The following EMG1 variants were observed in gnomAD, a reference collection of about 807,000 sequenced individuals.
EMG1 encodes EMG1 N1-specific pseudouridine methyltransferase, also known as ribosomal RNA small subunit methyltransferase NEP1.
EMG1 carries 24 observed loss-of-function variants against 26.9 expected under a neutral mutation model. The observed-to-expected ratio is 0.89, with a 90% CI of 0.65 to 1.26. EMG1 has a LOEUF of 1.26. Among genes scored for constraint, EMG1 ranks in the 50% most tolerant of loss-of-function variants. The pLI is 0.00. For synonymous variants in EMG1, 140 were observed against 112.6 expected (o/e 1.24, Z -1.54); for missense variants, 299 against 307.6 (o/e 0.97, Z 0.21).
chr12:6,984,275 A>T (rs1946500739), downstream of EMG1, among the ~76,000 whole-genome samples: 1 of 152,250 alleles, frequency 6.6e-6, no homozygotes, highest in South Asian at 2.1e-4. Context: ...CCATGAGTGA[A>T]CCACAGAGGA....
chr12:6,972,574 G>A (rs1555152441), intron 1 of EMG1, among the ~76,000 whole-genome samples: 1 of 152,082 alleles, frequency 6.6e-6, no homozygotes. Context: ...ATTGCAACTT[G>A]GAATTATTTC....
intron 1 of EMG1, 148 bp from the exon 2 acceptor site, chr12:6,974,191 T>C: frequency 1.6e-6 from 1 of 636,186 alleles, no homozygotes; most frequent in Non-Finnish European, 2.8e-6. Flanking sequence ...GTGTTCCTGG[T>C]TTAGTAGGTC....
Position 6,978,183 on chromosome 12 carries a change from A to C in EMG1, c.*2374A>C. On this transcript the variant is annotated 3_prime_UTR_variant, in exon 6 of 6. Coordinates refer to ENST00000599672, the MANE Select transcript of EMG1 (RefSeq NM_006331.8). ...ATATGACAGTAATGGTTTTTTTGGG[A>C]GGGGGGTATAGGTGGGGGTCAAAGT... is the stretch of plus-strand genomic sequence containing the variant. 1.5e-6 allele frequency: 1 copy of C among 670,812 alleles called. No homozygotes were observed. Among genetic ancestry groups the C allele is most frequent in the Non-Finnish European group, 2.3e-6 (1 of 438,774 alleles). 41.6% of individuals were successfully genotyped at this position (670,812 alleles called of 1,614,324 possible).
chr12:6,988,349 A>G (rs1555155031), downstream of EMG1: 1 of 152,322 alleles, frequency 6.6e-6, no homozygotes. Context: ...GCCGCCGTGG[A>G]GAAGGAAGAA....
chr12:6,986,182 A>G (rs1035651842), intron 6 of EMG1, among the ~76,000 whole-genome samples: 30 of 152,152 alleles, frequency 2.0e-4, no homozygotes, highest in African/African-American at 7.0e-4. Flanking sequence ...TTGAACAGCA[A>G]GGGTCCCCTT....
downstream of EMG1, among the ~76,000 whole-genome samples, chr12:6,988,807 T>C (rs1946555915): frequency 6.6e-6 from 1 of 152,134 alleles, no homozygotes; most frequent in Non-Finnish European, 1.5e-5. Flanking sequence ...TAGCACCAGA[T>C]GGGTTTGTAA....
At position 6,970,960 on chromosome 12, in the gene EMG1, C is replaced by A. The variant is rs782628939; in HGVS notation, c.37C>A (p.Arg13=). The change falls in exon 1 of 6, where the codon CGA becomes AGA. Residue 13 remains arginine, a synonymous_variant. Coordinates refer to ENST00000599672, the MANE Select transcript of EMG1 (RefSeq NM_006331.8). ...CAGTGATGGATTCAAGCCTCGTGAA[C>A]GAAGCGGTGGGGAGCAGGCACAGGA... is the stretch of plus-strand genomic sequence containing the variant. ...APSDGFKPRE[R]SGGEQAQDWD... 2 of 1,613,100 alleles carry A rather than the reference C, an allele frequency of 1.2e-6. No individual in the cohort carries two copies. Among genetic ancestry groups the A allele is most frequent in the Non-Finnish European group, 8.5e-7 (1 of 1,179,498 alleles).
Position 6,975,916 on chromosome 12 carries a change from T to A in EMG1, c.*107T>A. Reference sequence around the variant, plus strand: ...ATCTTTCTGCACTGAGACTGTGGAGTTTGGGGAAGCCAAGGCTGTACATTT... The same window carrying A: ...ATCTTTCTGCACTGAGACTGTGGAGATTGGGGAAGCCAAGGCTGTACATTT... On this transcript the variant is annotated 3_prime_UTR_variant, in exon 6 of 6. Transcript: ENST00000599672. 1.4e-6 allele frequency: 1 copy of A among 727,892 alleles called. No homozygotes were observed. Among genetic ancestry groups the A allele is most frequent in the Non-Finnish European group, 2.4e-6 (1 of 408,362 alleles). The allele number at this position is 727,892 out of a possible 1,614,324, so 45.1% of individuals were successfully genotyped here. A position where few individuals can be genotyped will look rare whatever the true frequency, so the allele number is the denominator to read the frequency against.
chr12:6,971,054 T>C lies in EMG1; in HGVS notation c.131T>C (p.Ile44Thr). 5 of 1,611,558 alleles carry C rather than the reference T, an allele frequency of 3.1e-6. No homozygotes were observed. Among genetic ancestry groups the C allele is most frequent in the Middle Eastern group, 1.7e-4 (1 of 6,060 alleles). ...AACAAGATCGGAGGCCGTAGGCTTA[T>C]TGTGGTGCTGGAAGGGGCCAGTCTG... ...AGNKIGGRRL[I>T]VVLEGASLET... Residue 44 changes from isoleucine to threonine, a missense_variant, in exon 1 of 6, where the codon ATT (isoleucine) becomes ACT (threonine). Coordinates refer to ENST00000599672, the MANE Select transcript of EMG1 (RefSeq NM_006331.8).
At position 6,977,066 on chromosome 12, in the gene EMG1, GT is replaced by G. The variant is rs1565595726; in HGVS notation, c.*1264del. 9.0e-6 allele frequency: 9 copies of G among 995,108 alleles called. No homozygotes were observed. The highest frequency in any genetic ancestry group is 7.1e-5 in the Admixed American group (4 of 56,032). 61.6% of individuals were successfully genotyped at this position (995,108 alleles called of 1,614,324 possible). ...TTCACCCCAGATTTCTAATACTATT[GT>G]TTTTTTCCAGTCTGTTGCTCTATTC... On this transcript the variant is annotated 3_prime_UTR_variant, in exon 6 of 6. Coordinates refer to ENST00000599672, the MANE Select transcript of EMG1 (RefSeq NM_006331.8). This position sits in a 1 kb window ranked among gnomAD's most constrained non-coding sequence, Gnocchi z 4.5.
chr12:6,983,047 T>C (rs1946487074), downstream of EMG1: 1 of 571,170 alleles, frequency 1.8e-6, no homozygotes, highest in South Asian at 1.6e-5. Flanking sequence ...AGTAGCTCAA[T>C]CATAGCTCAC....
chr12:6,991,055 T>C (rs967179970), downstream of EMG1, among the ~76,000 whole-genome samples: 1 of 152,124 alleles, frequency 6.6e-6, no homozygotes, highest in African/African-American at 2.4e-5. Context: ...CCACTATATT[T>C]CCCAAAACAA....
chr12:6,974,827 CTG>C, intron 3 of EMG1, 134 bp downstream of exon 3: 1 of 1,011,622 alleles, frequency 9.9e-7, no homozygotes, highest in Non-Finnish European at 1.5e-6. Flanking sequence ...AGGACAAGGA[CTG>C]TTATTATTTT....
rs899822643 is a variant in EMG1 at position 6,976,917 on chromosome 12, G to T, written c.*1108G>T. 12 of 500,300 alleles carry T rather than the reference G, an allele frequency of 2.4e-5. No individual in the cohort carries two copies. The highest frequency in any genetic ancestry group is 2.1e-4 in the African/African-American group (11 of 52,102). The allele number at this position is 500,300 out of a possible 1,614,324, so 31.0% of individuals were successfully genotyped here. A position where few individuals can be genotyped will look rare whatever the true frequency, so the allele number is the denominator to read the frequency against. ...CTGCAAGACAAGAGGAGTTTGGAAG[G>T]CTGGTTAGTTACTCCTGTAATTCCT... On this transcript the variant is annotated 3_prime_UTR_variant, in exon 6 of 6. Transcript: ENST00000599672.
At chr12:6,982,608 C>G, downstream of EMG1, 1 of 1,181,318 alleles carries the variant, frequency 8.5e-7, no homozygotes. Context: ...TACCACAGTC[C>G]CCTGCCTACC....
chr12:6,985,450 C>T (rs218743), intron 6 of EMG1, among the ~76,000 whole-genome samples: 12 of 151,882 alleles, frequency 7.9e-5, no homozygotes, highest in Non-Finnish European at 1.3e-4. Context: ...CAGTGGCTCA[C>T]GCCTGTAAAC....
downstream of EMG1, chr12:6,983,082 A>G (rs781963731): frequency 3.9e-5 from 21 of 536,530 alleles, no homozygotes; most frequent in South Asian, 3.5e-4. Flanking sequence ...CCGGGCTACC[A>G]CACCCAGCTT....
At chr12:6,986,155 C>T (rs967394573) in intron 6 of EMG1, among the ~76,000 whole-genome samples, 1 of 151,890 alleles carries the variant, frequency 6.6e-6, no homozygotes, top group African/African-American at 2.4e-5. Flanking sequence ...TATAGTTGAC[C>T]CTTGATCAAC....
In EMG1 at chr12:6,976,425, A is replaced by C. The variant is rs1946401506; in HGVS notation, c.*616A>C. ...AGATGTGAGCCCCTCTGCTCCTCCC[A>C]CAAGAGTTTCCCCTTTGGGCCGGGC... On this transcript the variant is annotated 3_prime_UTR_variant, in exon 6 of 6. Transcript: ENST00000599672. 1 of 153,508 alleles carries C rather than the reference A, an allele frequency of 6.5e-6. No individual in the cohort carries two copies. The highest frequency in any genetic ancestry group is 6.5e-5 in the Admixed American group (1 of 15,386). 9.5% of individuals were successfully genotyped at this position (153,508 alleles called of 1,614,324 possible).
Sources: allele counts gnomAD v4.1 joint callset (sites outside exome capture counted in the v4.1 genomes callset), GRCh38; gene constraint gnomAD v4.1.1; non-coding constraint Gnocchi (gnomAD v3.1); transcripts MANE v1.5; gene names NCBI Gene and HGNC (gene_info 2026-07-23, HGNC 2026-07-21).